Variants in CNTN5 observed in about 807,000 individuals in gnomAD.
The protein encoded by CNTN5 is contactin-5.
In CNTN5, 77 loss-of-function variants were observed where a neutral mutation model predicts 129.1. The ratio of observed to expected loss-of-function variants is 0.60; its 90% confidence interval spans 0.50 to 0.72. CNTN5 has a LOEUF of 0.72. CNTN5 is among the 30% of genes least tolerant of loss of function. CNTN5 has a pLI of 0.00. For synonymous variants in CNTN5, 509 were observed against 465.6 expected, an observed-to-expected ratio of 1.09 and a Z score of -1.20; for missense variants, 1,478 against 1,328.8, an observed-to-expected ratio of 1.11 and a Z score of -1.75.
At chr11:99,449,803 C>T (rs1464724274) in intron 2 of CNTN5, among the ~76,000 whole-genome samples, 2 of 152,126 alleles carry the variant, frequency 1.3e-5, no homozygotes, top group Non-Finnish European at 2.9e-5. Context: ...CTTATAAAAC[C>T]TCTATTGGTC....
intron 9 of CNTN5, among the ~76,000 whole-genome samples, chr11:100,046,915 T>A (rs1040988734): frequency 7.2e-5 from 11 of 152,146 alleles, no homozygotes; most frequent in Admixed American, 1.3e-4. Context: ...AATTTTTTTT[T>A]ATCAGAAACT....
Position 99,845,258 on chromosome 11 carries a change from T to C in CNTN5, c.573T>C (p.Phe191=), listed in dbSNP as rs777488654. Residue 191 remains phenylalanine (F), a synonymous_variant, in exon 6 of 25, where the codon TTT becomes TTC. Coordinates refer to ENST00000524871, the MANE Select transcript of CNTN5 (RefSeq NM_014361.4). Reference sequence around the variant, plus strand: ...TTAGTAGAGAAGCTACACTGCAGTTTGCCTGTGAGTAAAATATATGATTTT... The same window carrying C: ...TTAGTAGAGAAGCTACACTGCAGTTCGCCTGTGAGTAAAATATATGATTTT... ...SILSREATLQ[F]AYLGNFSGRT... is the part of the protein sequence containing the mutation. The C allele has an allele frequency of 3.1e-6, 5 of 1,605,118 alleles. No individual in the cohort carries two copies. The East Asian group carries it at 1.1e-4, about 36-fold the overall frequency.
chr11:99,621,988 A>G (rs1370795942), intron 3 of CNTN5, among the ~76,000 whole-genome samples: 1 of 152,184 alleles, frequency 6.6e-6, no homozygotes, highest in Non-Finnish European at 1.5e-5. Context: ...CATGGATAAA[A>G]TCTGACTCGT....
At chr11:99,873,823 G>T (rs933880067) in intron 6 of CNTN5, among the ~76,000 whole-genome samples, 1 of 152,058 alleles carries the variant, frequency 6.6e-6, no homozygotes, top group Non-Finnish European at 1.5e-5. Context: ...TCTATCAAAG[G>T]TTGAATGGAC....
chr11:99,080,023 C>T (rs141423646), intron 1 of CNTN5, among the ~76,000 whole-genome samples: 1,622 of 152,236 alleles, frequency 0.011, 26 homozygotes, highest in South Asian at 0.071. Flanking sequence ...ATGTGTAACA[C>T]GAAGCCTAAC....
At chr11:99,339,155 A>T (rs1866396270) in intron 2 of CNTN5, among the ~76,000 whole-genome samples, 1 of 150,888 alleles carries the variant, frequency 6.6e-6, no homozygotes, top group African/African-American at 2.4e-5. Context: ...ATAAATGTAT[A>T]CACCTACTAT....
intron 1 of CNTN5, among the ~76,000 whole-genome samples, chr11:99,026,768 G>A (rs555160133): frequency 9.9e-5 from 15 of 151,638 alleles, no homozygotes; most frequent in African/African-American, 3.1e-4. Context: ...GCAAAAGATG[G>A]AATTAGAACC....
At chr11:99,077,804 C>T (rs1865636892) in intron 1 of CNTN5, among the ~76,000 whole-genome samples, 1 of 152,146 alleles carries the variant, frequency 6.6e-6, no homozygotes, top group African/African-American at 2.4e-5. Context: ...ACATCTCCTT[C>T]CTGCTGCCTT....
intron 10 of CNTN5, among the ~76,000 whole-genome samples, chr11:100,065,906 T>A (rs1943674812): frequency 6.6e-6 from 1 of 152,168 alleles, no homozygotes; most frequent in Non-Finnish European, 1.5e-5. Context: ...TCTTTAAAGA[T>A]GTTTTAGCTG....
intron 3 of CNTN5, among the ~76,000 whole-genome samples, chr11:99,788,392 C>T (rs116534846): frequency 1.4e-3 from 208 of 151,928 alleles, no homozygotes; most frequent in African/African-American, 4.1e-3. Flanking sequence ...GAGGTGAACA[C>T]GCTCAAAGAC....
chr11:100,349,899 T>A (rs1261771684), intron 23 of CNTN5, among the ~76,000 whole-genome samples: 1 of 151,796 alleles, frequency 6.6e-6, no homozygotes, highest in Non-Finnish European at 1.5e-5. Flanking sequence ...AGCCACACGG[T>A]CTTGTACAAG....
rs774797660 is a variant in CNTN5, at chr11:99,382,844, A to ATTTT, written c.-71+57360_-71+57361insTTTT. On this transcript the variant is annotated intron_variant, in intron 2 of 24. Transcript: ENST00000524871. ...CACATCTCACTAGTGTCTCTAAATAACTTTTTTTTTTTTTTTTTTTTTTTT... is the reference window on the plus strand; with the variant it reads ...CACATCTCACTAGTGTCTCTAAATAATTTTCTTTTTTTTTTTTTTTTTTTTTTTT... Among the ~76,000 whole-genome samples, 41 of 69,420 alleles carry ATTTT rather than the reference A, an allele frequency of 5.9e-4. 1 individual carries two copies. The highest frequency in any genetic ancestry group is 8.6e-4 in the African/African-American group (12 of 14,010). 45.5% of individuals were successfully genotyped at this position (69,420 alleles called of 152,430 possible). A position where few individuals can be genotyped will look rare whatever the true frequency, so the allele number is the denominator to read the frequency against.
intron 6 of CNTN5, among the ~76,000 whole-genome samples, chr11:99,909,828 G>A (rs1046189771): frequency 1.3e-5 from 2 of 151,940 alleles, no homozygotes; most frequent in East Asian, 1.9e-4. Flanking sequence ...GGGGGAGAGG[G>A]GAGGGATAGC....
intron 3 of CNTN5, among the ~76,000 whole-genome samples, chr11:99,661,411 A>T (rs998506947): frequency 1.3e-5 from 2 of 152,208 alleles, no homozygotes; most frequent in Admixed American, 6.5e-5. Context: ...ATTAGTATAA[A>T]GTGCCTGTGT....
rs567905818 is a variant in CNTN5, at chr11:99,913,426, A to G, written c.578-2628A>G. Among the ~76,000 whole-genome samples the G allele has an allele frequency of 4.6e-5, 7 of 151,058 alleles. No homozygotes were observed. The East Asian group carries it at 1.4e-3, about 29-fold the overall frequency. On this transcript the variant is annotated intron_variant, in intron 6 of 24. Coordinates refer to ENST00000524871, the MANE Select transcript of CNTN5 (RefSeq NM_014361.4). Reference sequence around the variant, plus strand: ...CCCATGAAAGTACAGACTTCTTTTTAGTATTTATATGTCTTCAAGAAAGAA... The same window carrying G: ...CCCATGAAAGTACAGACTTCTTTTTGGTATTTATATGTCTTCAAGAAAGAA...
At chr11:99,437,777 C>A (rs746678038) in intron 2 of CNTN5, among the ~76,000 whole-genome samples, 1 of 152,080 alleles carries the variant, frequency 6.6e-6, no homozygotes, top group Non-Finnish European at 1.5e-5. Flanking sequence ...GAGCTGAGAT[C>A]GCACACTTGC....
intron 15 of CNTN5, among the ~76,000 whole-genome samples, chr11:100,215,740 A>G (rs572570660): frequency 4.6e-5 from 7 of 152,168 alleles, no homozygotes; most frequent in Non-Finnish European, 1.0e-4. Context: ...GAGCATTGAC[A>G]TTCCATTCCA....
At chr11:99,890,578 T>TTTC (rs1364115892) in intron 6 of CNTN5, among the ~76,000 whole-genome samples, 1 of 150,516 alleles carries the variant, frequency 6.6e-6, no homozygotes, top group East Asian at 1.9e-4. Context: ...TGTGTGTGTA[T>TTTC]ATATACATAT....
At chr11:99,090,760 C>A (rs1866210165) in intron 1 of CNTN5, among the ~76,000 whole-genome samples, 1 of 149,764 alleles carries the variant, frequency 6.7e-6, no homozygotes, top group Non-Finnish European at 1.5e-5. Flanking sequence ...CGGTGGCTCA[C>A]GCCTGTAATC....
Sources: allele counts gnomAD v4.1 joint callset (sites outside exome capture counted in the v4.1 genomes callset), GRCh38; gene constraint gnomAD v4.1.1; transcripts MANE v1.5; gene names NCBI Gene and HGNC (gene_info 2026-07-23, HGNC 2026-07-21).